SNX30: variants seen among roughly 807,000 people sequenced by gnomAD.
SNX30 encodes the protein sorting nexin family member 30.
A neutral mutation model predicts 46.4 loss-of-function variants in SNX30; 24 were observed. The ratio of observed to expected loss-of-function variants is 0.52; its 90% CI spans 0.37 to 0.73. SNX30 has a LOEUF of 0.73. Ranked by LOEUF, SNX30 falls within the 30% of genes least tolerant of loss-of-function variation. SNX30 has a pLI of 0.00. For synonymous variants in SNX30, 189 were observed against 211.5 expected, an observed-to-expected ratio of 0.89 and a Z score of 0.92; for missense variants, 533 against 555.7, an observed-to-expected ratio of 0.96 and a Z score of 0.41.
intron 7 of SNX30, among the ~76,000 whole-genome samples, chr9:112,863,588 A>C (rs918085042): frequency 6.6e-6 from 1 of 152,226 alleles, no homozygotes; most frequent in East Asian, 1.9e-4. Flanking sequence ...TTGAATTTCA[A>C]ATTTTTTTGA....
intron 1 of SNX30, among the ~76,000 whole-genome samples, chr9:112,772,545 A>G (rs1839669347): frequency 6.6e-6 from 1 of 152,204 alleles, no homozygotes; most frequent in Non-Finnish European, 1.5e-5. Context: ...CTCCCCTGCC[A>G]TGGTTTGAGC....
intron 1 of SNX30, among the ~76,000 whole-genome samples, chr9:112,753,351 G>C (rs1839305175): frequency 6.6e-6 from 1 of 152,092 alleles, no homozygotes; most frequent in African/African-American, 2.4e-5. Context: ...TTCTGTGTAG[G>C]AGGGAGAGTC....
At chr9:112,752,762 T>C (rs1839297016) in intron 1 of SNX30, among the ~76,000 whole-genome samples, 2 of 152,192 alleles carry the variant, frequency 1.3e-5, no homozygotes, top group Non-Finnish European at 2.9e-5. Context: ...ACCCCAAAAC[T>C]TATCACCTGG....
chr9:112,795,777 A>T lies in SNX30; in HGVS notation c.157-8999A>T, dbSNP rs958915053. Among the ~76,000 whole-genome samples, 8 of 151,810 alleles carry T rather than the reference A, an allele frequency of 5.3e-5. No homozygotes were observed. In the East Asian group the frequency reaches 1.2e-3, roughly 22 times the overall value. ...ACTCACAGTACAGTCACACACACAC[A>T]CACACACACACACACACACGCACAC... On this transcript the variant is annotated intron_variant, in intron 1 of 8. Coordinates refer to ENST00000374232, the MANE Select transcript of SNX30 (RefSeq NM_001012994.2).
At chr9:112,855,252 G>A (rs932873157) in intron 7 of SNX30, among the ~76,000 whole-genome samples, 3 of 152,108 alleles carry the variant, frequency 2.0e-5, no homozygotes, top group Admixed American at 6.6e-5. Context: ...TTCGGAAGTG[G>A]GTTAGGGCTG....
At chr9:112,868,004 T>C (rs2131515591) in intron 8 of SNX30, among the ~76,000 whole-genome samples, 1 of 152,340 alleles carries the variant, frequency 6.6e-6, no homozygotes, top group East Asian at 1.9e-4. Flanking sequence ...TTCACAAGGA[T>C]CTGGGATGAA....
intron 2 of SNX30, among the ~76,000 whole-genome samples, chr9:112,810,759 T>G (rs1432026762): frequency 6.6e-6 from 1 of 152,094 alleles, no homozygotes; most frequent in African/African-American, 2.4e-5. Flanking sequence ...AGCCAGCTGC[T>G]TGAATCTTCA....
chr9:112,858,667 C>G (rs1841174851), intron 7 of SNX30, among the ~76,000 whole-genome samples: 1 of 152,200 alleles, frequency 6.6e-6, no homozygotes, highest in Non-Finnish European at 1.5e-5. Context: ...TGGGGAACTT[C>G]ACAAGCTGGT....
In SNX30 at chr9:112,871,375, G is replaced by A. The variant is rs1180813469; in HGVS notation, c.*2532G>A. The A allele has an allele frequency of 6.6e-6, 1 of 151,930 alleles. No homozygotes were observed. The highest frequency in any genetic ancestry group is 2.4e-5 in the African/African-American group (1 of 41,336). 9.4% of individuals were successfully genotyped at this position (151,930 alleles called of 1,614,324 possible). On this transcript the variant is annotated 3_prime_UTR_variant, in exon 9 of 9. Transcript: ENST00000374232. ...TTAGGTGGTGAAGCAGGCTCCCCTG[G>A]GCCTCTGAGGGCCAGCAGTCCCAAC...
At chr9:112,849,595 A>G (rs907001472) in intron 6 of SNX30, among the ~76,000 whole-genome samples, 3 of 152,250 alleles carry the variant, frequency 2.0e-5, no homozygotes, top group African/African-American at 7.2e-5. Flanking sequence ...TGCAATTTTA[A>G]CCTCATTTTC....
At chr9:112,856,162 A>G (rs1841124021) in intron 7 of SNX30, among the ~76,000 whole-genome samples, 1 of 152,118 alleles carries the variant, frequency 6.6e-6, no homozygotes, top group African/African-American at 2.4e-5. Flanking sequence ...AAGTAAATAA[A>G]AAAAGCAGGG....
chr9:112,866,634 C>T (rs991962086), intron 8 of SNX30: 2 of 445,056 alleles, frequency 4.5e-6, no homozygotes, highest in East Asian at 1.4e-4. Context: ...GAAGCAATTT[C>T]ACCACTCTTC....
At chr9:112,865,929 T>A (rs764770606) in intron 8 of SNX30, among the ~76,000 whole-genome samples, 1 of 151,848 alleles carries the variant, frequency 6.6e-6, no homozygotes, top group Non-Finnish European at 1.5e-5. Flanking sequence ...AAACCAACTA[T>A]GTCAAATGTC....
intron 1 of SNX30, among the ~76,000 whole-genome samples, chr9:112,788,814 G>C (rs1839971802): frequency 6.6e-6 from 1 of 152,162 alleles, no homozygotes; most frequent in South Asian, 2.1e-4. Context: ...TTTCTTTCTT[G>C]AGGCAGTGTC....
chr9:112,808,746 A>T (rs1840271515), intron 2 of SNX30, among the ~76,000 whole-genome samples: 1 of 152,204 alleles, frequency 6.6e-6, no homozygotes. Flanking sequence ...GTATACTGCC[A>T]ATTCACTTAA....
intron 1 of SNX30, among the ~76,000 whole-genome samples, chr9:112,784,641 T>G (rs879888066): frequency 5.3e-5 from 8 of 152,162 alleles, no homozygotes; most frequent in Non-Finnish European, 1.2e-4. Flanking sequence ...TTCTCACACA[T>G]CCCCAGTAAT....
In SNX30 at chr9:112,865,624, CATATATATATAT is replaced by C. The variant is rs796986603; in HGVS notation, c.1254+1252_1254+1263del. 2.7e-3 allele frequency among the ~76,000 whole-genome samples: 212 copies of C among 78,984 alleles called. 10 individuals carry two copies. The highest frequency in any genetic ancestry group is 0.013 in the East Asian group (32 of 2,514). 51.8% of individuals were successfully genotyped at this position (78,984 alleles called of 152,430 possible). On this transcript the variant is annotated intron_variant, in intron 8 of 8. Transcript: ENST00000374232. Reference sequence around the variant, plus strand: ...ACAGAGTTTTTTGATCCTGTCACGCCATATATATATATATATATATATATATATATATATATA... The same window carrying C: ...ACAGAGTTTTTTGATCCTGTCACGCCATATATATATATATATATATATATA...
At chr9:112,863,074 A>G (rs564720420) in intron 7 of SNX30, among the ~76,000 whole-genome samples, 137 of 152,248 alleles carry the variant, frequency 9.0e-4, no homozygotes, top group Non-Finnish European at 1.6e-3. Flanking sequence ...GTGTTCTACA[A>G]CCATCTCCAC....
intron 4 of SNX30, among the ~76,000 whole-genome samples, chr9:112,835,453 A>G (rs1840737710): frequency 6.6e-6 from 1 of 151,016 alleles, no homozygotes. Context: ...CTACAGGTGC[A>G]TGCCACCATG....
Sources: gnomAD v4.1 joint callset for allele counts (sites outside exome capture counted in the v4.1 genomes callset) on GRCh38, gnomAD v4.1.1 for gene constraint, MANE v1.5 for transcripts, NCBI Gene and HGNC (gene_info 2026-07-23, HGNC 2026-07-21) for gene names.